ATXN7L1: variants seen among roughly 807,000 people sequenced by gnomAD.
ATXN7L1 encodes the protein ataxin-7-like protein 1.
ATXN7L1 carries 15 observed loss-of-function variants against 70.8 expected under a neutral mutation model. The observed-to-expected ratio is 0.21, with a 90% CI of 0.14 to 0.33. ATXN7L1 has a LOEUF of 0.33. Ranked by LOEUF, ATXN7L1 falls within the 10% of genes least tolerant of loss-of-function variation. The pLI is 1.00. For synonymous variants in ATXN7L1, 440 were observed against 445.1 expected (o/e 0.99, Z 0.14); for missense variants, 975 against 1,097.1 (o/e 0.89, Z 1.57).
intron 7 of ATXN7L1, among the ~76,000 whole-genome samples, chr7:105,636,613 C>T (rs542268735): frequency 1.4e-3 from 220 of 152,274 alleles, no homozygotes; most frequent in Non-Finnish European, 2.3e-3. Flanking sequence ...ATCCTTCAGG[C>T]TCCACTGTTT....
chr7:105,629,632 C>T (rs1398572244), intron 7 of ATXN7L1, among the ~76,000 whole-genome samples: 1 of 151,372 alleles, frequency 6.6e-6, no homozygotes, highest in Non-Finnish European at 1.5e-5. Flanking sequence ...TCTCCTGCCT[C>T]AGCCTCCTGC....
At chr7:105,815,206 G>C (rs1313226708) in intron 2 of ATXN7L1, among the ~76,000 whole-genome samples, 4 of 152,194 alleles carry the variant, frequency 2.6e-5, no homozygotes, top group Non-Finnish European at 1.5e-5. Context: ...GAGCGAAGAG[G>C]GGGAGAAGTA....
At chr7:105,725,617 G>C (rs761905216) in intron 3 of ATXN7L1, among the ~76,000 whole-genome samples, 53 of 141,872 alleles carry the variant, frequency 3.7e-4, no homozygotes, top group Non-Finnish European at 6.9e-4. Flanking sequence ...GTCTCACTCT[G>C]TCATCCAGGC....
chr7:105,604,954 T>C lies in ATXN7L1; in HGVS notation c.*2898A>G, dbSNP rs1179695419. On this transcript the variant is annotated 3_prime_UTR_variant, in exon 12 of 12. Coordinates refer to ENST00000419735, the MANE Select transcript of ATXN7L1 (RefSeq NM_020725.2). Reference sequence around the variant, plus strand: ...GAGAATCAGCAATAATAGAATATGCTGTATAAACTATTCTCTACAAAGGTT... The same window carrying C: ...GAGAATCAGCAATAATAGAATATGCCGTATAAACTATTCTCTACAAAGGTT... The C allele has an allele frequency of 6.6e-6, 1 of 151,354 alleles. No individual in the cohort carries two copies. The highest frequency in any genetic ancestry group is 1.5e-5 in the Non-Finnish European group (1 of 67,814). The allele number at this position is 151,354 out of a possible 1,614,324, so 9.4% of individuals were successfully genotyped here.
intron 3 of ATXN7L1, among the ~76,000 whole-genome samples, chr7:105,749,324 A>G (rs1798925513): frequency 6.6e-6 from 1 of 151,974 alleles, no homozygotes; most frequent in African/African-American, 2.4e-5. Flanking sequence ...TCAAACAAGA[A>G]TGAGAAAGAA....
At chr7:105,771,749 G>C (rs1386306253) in intron 3 of ATXN7L1, among the ~76,000 whole-genome samples, 1 of 152,152 alleles carries the variant, frequency 6.6e-6, no homozygotes, top group Non-Finnish European at 1.5e-5. Flanking sequence ...TGAGAAGACA[G>C]AGATTGTGGA....
chr7:105,876,542 G>A lies in ATXN7L1; in HGVS notation c.17C>T (p.Ser6Phe). 1 of 1,407,858 alleles carries A rather than the reference G, an allele frequency of 7.1e-7. No homozygotes were observed. Among genetic ancestry groups the A allele is most frequent in the Non-Finnish European group, 9.5e-7 (1 of 1,049,322 alleles). 87.2% of individuals were successfully genotyped at this position (1,407,858 alleles called of 1,614,324 possible). The change falls in exon 1 of 12, where the codon TCT (serine) becomes TTT (phenylalanine). Residue 6 changes from serine (S) to phenylalanine (F), a missense_variant. By Grantham distance (155) the Ser-to-Phe change is radical (BLOSUM62 -2). This residue lies in a region of ATXN7L1 where 135 missense variants were observed against 132.6 expected (regional missense o/e 1.02). Transcript: ENST00000419735. ...AGCAGCCGAGAGACACGGGATTCGA[G>A]AACGCTCCGACGTCATCTTCGGAAC... The part of the protein sequence containing the change: MTSER[S>F]RIPCLSAAAA...
At chr7:105,829,948 A>C (rs959892622) in intron 2 of ATXN7L1, among the ~76,000 whole-genome samples, 1 of 152,226 alleles carries the variant, frequency 6.6e-6, no homozygotes. Flanking sequence ...TGGGGCTCAA[A>C]GCTTACCCTT....
intron 3 of ATXN7L1, among the ~76,000 whole-genome samples, chr7:105,777,774 C>T (rs1031849143): frequency 2.6e-5 from 4 of 152,222 alleles, no homozygotes; most frequent in South Asian, 2.1e-4. Flanking sequence ...TATGCCTTTC[C>T]CTCACTCAAT....
Position 105,614,416 on chromosome 7 carries a change from G to A in ATXN7L1, c.1918C>T (p.Pro640Ser), listed in dbSNP as rs1218297421. Residue 640 changes from proline (P) to serine (S), a missense_variant, in exon 10 of 12, where the codon CCA (proline) becomes TCA (serine). By Grantham distance (74) the Pro-to-Ser change is moderately conservative (BLOSUM62 -1). Transcript: ENST00000419735. The surrounding 1 kb of genome is among the most constrained non-coding windows in gnomAD (Gnocchi z 4.3). Reference sequence around the variant, plus strand: ...TGTGGCTTCCTTTTTTTGTTACTTGGAGACTCGTCGCTACGGGTGGACAGG... The same window carrying A: ...TGTGGCTTCCTTTTTTTGTTACTTGAAGACTCGTCGCTACGGGTGGACAGG... ...KDLSTRSDES[P>S]SNKKRKPQSS... The A allele has an allele frequency of 6.4e-7, 1 of 1,551,428 alleles. No individual in the cohort carries two copies. Among genetic ancestry groups the A allele is most frequent in the African/African-American group, 1.4e-5 (1 of 73,046 alleles).
chr7:105,841,332 C>A (rs553719332), intron 2 of ATXN7L1, among the ~76,000 whole-genome samples: 1 of 152,366 alleles, frequency 6.6e-6, no homozygotes, highest in East Asian at 1.9e-4. Flanking sequence ...TCATTTTCTC[C>A]AGCTGAAAAG....
intron 2 of ATXN7L1, among the ~76,000 whole-genome samples, chr7:105,792,590 C>A (rs937017842): frequency 6.6e-6 from 1 of 152,194 alleles, no homozygotes; most frequent in African/African-American, 2.4e-5. Flanking sequence ...AATTTACCCC[C>A]AAGCAAAACG....
At chr7:105,814,332 T>C (rs934107170) in intron 2 of ATXN7L1, among the ~76,000 whole-genome samples, 1 of 152,154 alleles carries the variant, frequency 6.6e-6, no homozygotes, top group Non-Finnish European at 1.5e-5. Flanking sequence ...CTCCTGCCAC[T>C]TGAAGCTTTG....
intron 3 of ATXN7L1, among the ~76,000 whole-genome samples, chr7:105,776,739 T>C (rs958958856): frequency 1.3e-5 from 2 of 152,156 alleles, no homozygotes; most frequent in Non-Finnish European, 1.5e-5. Flanking sequence ...GGAGGAGTGC[T>C]TCCTTCTGCC....
intron 2 of ATXN7L1, among the ~76,000 whole-genome samples, chr7:105,792,251 G>C (rs963688407): frequency 6.6e-6 from 1 of 152,204 alleles, no homozygotes; most frequent in Non-Finnish European, 1.5e-5. Flanking sequence ...TGTCAACCTT[G>C]TACGTGTCTG....
intron 3 of ATXN7L1, among the ~76,000 whole-genome samples, chr7:105,720,308 T>C (rs1170005949): frequency 3.2e-4 from 49 of 152,162 alleles, no homozygotes; most frequent in African/African-American, 1.0e-3. Context: ...CTGAGGTGGG[T>C]GAATTGCCTG....
intron 2 of ATXN7L1, among the ~76,000 whole-genome samples, chr7:105,813,118 G>A (rs1480248622): frequency 6.6e-6 from 1 of 152,134 alleles, no homozygotes; most frequent in Admixed American, 6.6e-5. Context: ...TTACCTACTT[G>A]TATGACTTCA....
At chr7:105,863,846 T>C (rs908158616) in intron 2 of ATXN7L1, among the ~76,000 whole-genome samples, 3 of 152,132 alleles carry the variant, frequency 2.0e-5, no homozygotes, top group African/African-American at 4.8e-5. Context: ...ACAGCTAGGA[T>C]TGTTACTTAA....
intron 3 of ATXN7L1, among the ~76,000 whole-genome samples, chr7:105,721,895 G>C (rs2116302854): frequency 6.6e-6 from 1 of 152,342 alleles, no homozygotes; most frequent in East Asian, 1.9e-4. Context: ...GAATAGGGTA[G>C]CCTAATTGAA....
Sources: gnomAD v4.1 joint callset for allele counts (sites outside exome capture counted in the v4.1 genomes callset) on GRCh38, gnomAD v4.1.1 for gene constraint, gnomAD v4.1.1 regional missense constraint, Gnocchi (gnomAD v3.1) non-coding constraint, MANE v1.5 for transcripts, NCBI Gene and HGNC (gene_info 2026-07-23, HGNC 2026-07-21) for gene names.